Variants in PSIP1 observed in about 807,000 individuals in gnomAD.
PSIP1 encodes PC4 and SRSF1 interacting protein 1.
Under a neutral mutation model 74.7 loss-of-function variants are expected in PSIP1, and 19 were observed. That is an observed-to-expected ratio of 0.25 (90% CI 0.18 to 0.37). The LOEUF is 0.37. PSIP1 is among the 10% of genes least tolerant of loss of function. The pLI is 1.00. For missense variants in PSIP1, 601 were observed against 614.3 expected (o/e 0.98, Z 0.23); for synonymous variants, 222 against 195.3 (o/e 1.14, Z -1.14).
At position 15,510,299 on chromosome 9, in the gene PSIP1, G is replaced by A. The variant is rs1229058358; in HGVS notation, c.-111C>T. On this transcript the variant is annotated 5_prime_UTR_variant, in exon 2 of 16. Transcript: ENST00000380733. ...CCAGCTACCGGGCCCGCGGGCGGGG[G>A]AGGATGCCTCGGGGCGTCCCGACGC... 8.4e-6 allele frequency: 7 copies of A among 830,984 alleles called. No individual in the cohort carries two copies. The highest frequency in any genetic ancestry group is 6.0e-5 in the East Asian group (2 of 33,276). The allele number at this position is 830,984 out of a possible 1,614,324, so 51.5% of individuals were successfully genotyped here.
At chr9:15,505,176 A>AC (rs2037531371) in intron 3 of PSIP1, 1 of 151,584 alleles carries the variant, frequency 6.6e-6, no homozygotes, top group African/African-American at 2.4e-5. Flanking sequence ...AACTCAAGTG[A>AC]CCCTCCCGCC....
intron 11 of PSIP1, 41 bp from the exon 12 acceptor site, chr9:15,469,377 C>T: frequency 7.7e-7 from 1 of 1,301,664 alleles, no homozygotes; most frequent in Non-Finnish European, 1.1e-6. Flanking sequence ...ACAGTTTTTC[C>T]AAAACCAGTA....
At position 15,474,178 on chromosome 9, in the gene PSIP1, T is replaced by G. The variant is rs368762970; in HGVS notation, c.689A>C (p.Gln230Pro). The change falls in exon 9 of 16, where the codon CAG (glutamine) becomes CCG (proline). Residue 230 changes from glutamine (Q) to proline (P), a missense_variant. Gln to Pro is a moderately conservative substitution (Grantham distance 76). Transcript: ENST00000380733. ...KGQEEKQPKK[Q>P]PKKDEEGQKE... ...CTGGCCCTCTTCATCCTTCTTAGGC[T>G]GCTTTTTAGGTTGTTTTTCCTCTTG... 2 of 1,613,320 alleles carry G rather than the reference T, an allele frequency of 1.2e-6. No individual in the cohort carries two copies. Among genetic ancestry groups the G allele is most frequent in the African/African-American group, 2.7e-5 (2 of 74,898 alleles).
chr9:15,505,815 C>G (rs1450966760), intron 3 of PSIP1: 6 of 152,236 alleles, frequency 3.9e-5, no homozygotes, highest in African/African-American at 1.2e-4. Context: ...ATTGCAGCCA[C>G]TCTTAGGAAT....
At chr9:15,493,675 C>T (rs1327127427) in intron 3 of PSIP1, among the ~76,000 whole-genome samples, 1 of 152,146 alleles carries the variant, frequency 6.6e-6, no homozygotes, top group African/African-American at 2.4e-5. Flanking sequence ...ACAATCACGG[C>T]AGAAGGTACC....
chr9:15,485,709 C>A (rs1027142955), intron 6 of PSIP1, among the ~76,000 whole-genome samples: 5 of 152,134 alleles, frequency 3.3e-5, no homozygotes, highest in East Asian at 1.9e-4. Flanking sequence ...ATCATTTAAT[C>A]CTCCACAACC....
intron 14 of PSIP1, 160 bp downstream of exon 14, chr9:15,468,470 C>G (rs2035721639): frequency 1.2e-6 from 1 of 825,196 alleles, no homozygotes; most frequent in Admixed American, 1.7e-5. Context: ...GCACACTGCT[C>G]TAGTCCTTCA....
intron 6 of PSIP1, among the ~76,000 whole-genome samples, chr9:15,483,178 A>G (rs1460989896): frequency 6.6e-6 from 1 of 152,072 alleles, no homozygotes; most frequent in Non-Finnish European, 1.5e-5. Context: ...TGTAACTTAC[A>G]TCTTCTCCCT....
chr9:15,468,799 T>G lies in PSIP1; in HGVS notation c.1251A>C (p.Thr417=). 1 of 1,614,062 alleles carries G rather than the reference T, an allele frequency of 6.2e-7. No individual in the cohort carries two copies. The highest frequency in any genetic ancestry group is 8.5e-7 in the Non-Finnish European group (1 of 1,179,948). ...TGTTCTTAAACTTGTTATACAACAT[T>G]GTAGACTTTTCCATGATTACCTGAC... is the stretch of plus-strand genomic sequence containing the variant. ...KVSQVIMEKS[T]MLYNKFKNMF... The change falls in exon 14 of 16, where the codon ACA becomes ACC. Residue 417 remains threonine, a synonymous_variant. Coordinates refer to ENST00000380733, the MANE Select transcript of PSIP1 (RefSeq NM_033222.5).
chr9:15,495,625 T>C (rs1257487141), intron 3 of PSIP1, among the ~76,000 whole-genome samples: 2 of 152,216 alleles, frequency 1.3e-5, no homozygotes, highest in Non-Finnish European at 2.9e-5. Context: ...ATATTTATTA[T>C]GATATGGAAT....
chr9:15,488,630 T>A (rs1202256544), intron 4 of PSIP1, among the ~76,000 whole-genome samples: 1 of 152,166 alleles, frequency 6.6e-6, no homozygotes, highest in South Asian at 2.1e-4. Context: ...TCTAAGCCTA[T>A]AATCCCAGCA....
chr9:15,468,449 T>C (rs562996661), intron 14 of PSIP1, 181 bp downstream of exon 14: 1 of 782,666 alleles, frequency 1.3e-6, no homozygotes, highest in East Asian at 2.4e-5. Context: ...ACATGATTTT[T>C]TGTTCTCAAT....
intron 10 of PSIP1, chr9:15,471,872 A>C (rs1029405235): frequency 1.5e-5 from 15 of 982,352 alleles, no homozygotes; most frequent in Non-Finnish European, 1.8e-5. Flanking sequence ...ACAACAACAA[A>C]AAAACAAAAT....
In PSIP1 at chr9:15,478,562, A is replaced by G. The variant is rs1386853394; in HGVS notation, c.554-10T>C. 1 of 1,567,452 alleles carries G rather than the reference A, an allele frequency of 6.4e-7. No individual in the cohort carries two copies. Among genetic ancestry groups the G allele is most frequent in the Non-Finnish European group, 8.8e-7 (1 of 1,138,792 alleles). On this transcript the variant is annotated splice_polypyrimidine_tract_variant and intron_variant, in intron 7 of 15. Transcript: ENST00000380733. ...ATCTTGACTTCTGTAGCTAATATAC[A>G]CATGGAAAAAAAATCAGTAACTACT... is the stretch of plus-strand genomic sequence containing the variant.
At chr9:15,510,455 C>G (rs1028643618) in intron 1 of PSIP1, 126 bp from the exon 2 acceptor site, 2 of 389,210 alleles carry the variant, frequency 5.1e-6, no homozygotes, top group African/African-American at 2.1e-5. Flanking sequence ...GCTCCTCCCC[C>G]GCCAGTGCGC....
chr9:15,496,804 A>C (rs1434526347), intron 3 of PSIP1, among the ~76,000 whole-genome samples: 1 of 152,138 alleles, frequency 6.6e-6, no homozygotes, highest in African/African-American at 2.4e-5. Flanking sequence ...TTAAATTCGC[A>C]CACTTTTTTT....
intron 3 of PSIP1, among the ~76,000 whole-genome samples, chr9:15,501,049 G>A (rs2037319729): frequency 6.6e-6 from 1 of 152,046 alleles, no homozygotes; most frequent in African/African-American, 2.4e-5. Flanking sequence ...TTCATGTCAT[G>A]TCTTATTTGC....
intron 10 of PSIP1, chr9:15,470,820 A>G (rs988707237): frequency 1.7e-5 from 18 of 1,038,408 alleles, no homozygotes; most frequent in Non-Finnish European, 2.1e-5. Context: ...CAGTTTAATA[A>G]CTAGCTTCAA....
chr9:15,486,819 G>C lies in PSIP1; in HGVS notation c.393+8C>G. 2.5e-6 allele frequency: 4 copies of C among 1,576,556 alleles called. No homozygotes were observed. Among genetic ancestry groups the C allele is most frequent in the Non-Finnish European group, 3.5e-6 (4 of 1,150,784 alleles). On this transcript the variant is annotated splice_region_variant and intron_variant, in intron 5 of 15. Transcript: ENST00000380733. The stretch of plus-strand genomic sequence containing the variant: ...TGGGTTTAAAATGTTAGGAGAAATA[G>C]AACATACCTCATTGCTGGCTTTTTC...
Sources: allele counts gnomAD v4.1 joint callset (sites outside exome capture counted in the v4.1 genomes callset), GRCh38; gene constraint gnomAD v4.1.1; transcripts MANE v1.5; gene names NCBI Gene and HGNC (gene_info 2026-07-23, HGNC 2026-07-21).